The following MAF variants were observed in gnomAD, a reference collection of about 807,000 sequenced individuals.
The protein encoded by MAF is transcription factor Maf.
MAF carries 10 observed loss-of-function variants against 22.0 expected under a neutral mutation model. The ratio of observed to expected loss-of-function variants is 0.45; its 90% CI spans 0.28 to 0.77. The LOEUF is 0.77. Ranked by LOEUF, MAF falls within the 30% of genes least tolerant of loss-of-function variation. The probability of loss-of-function intolerance (pLI) is 0.12; values close to 1 mark genes in which losing one functional copy is unlikely to be tolerated. For missense variants in MAF, 544 were observed against 548.4 expected, an observed-to-expected ratio of 0.99 and a Z score of 0.08; for synonymous variants, 337 against 255.8, an observed-to-expected ratio of 1.32 and a Z score of -3.03.
the MAF span, among the ~76,000 whole-genome samples, chr16:79,292,148 G>C: frequency 2.4e-4 from 36 of 152,248 alleles, no homozygotes; most frequent in African/African-American, 8.4e-4. Context: ...GCATCTCTAA[G>C]AAGACATGTT....
At chr16:79,564,873 C>G in the MAF span, among the ~76,000 whole-genome samples, 35 of 152,270 alleles carry the variant, frequency 2.3e-4, no homozygotes, top group Middle Eastern at 6.8e-3. Flanking sequence ...GCGACTTCTG[C>G]AAAACATTCC....
the MAF span, among the ~76,000 whole-genome samples, chr16:79,439,375 TCTCAGC>T: frequency 6.6e-6 from 1 of 151,116 alleles, no homozygotes; most frequent in Admixed American, 6.6e-5. Context: ...CGTTCTCCTG[TCTCAGC>T]CTCCCTAGTA....
the MAF span, among the ~76,000 whole-genome samples, chr16:79,251,662 A>G: frequency 6.6e-6 from 1 of 152,152 alleles, no homozygotes; most frequent in Non-Finnish European, 1.5e-5. Context: ...GGGAAAAGAA[A>G]TCAAACCAAT....
chr16:79,558,725 A>G, the MAF span, among the ~76,000 whole-genome samples: 5 of 152,066 alleles, frequency 3.3e-5, no homozygotes, highest in African/African-American at 4.8e-5. Flanking sequence ...AAGCCTTACT[A>G]CCCAGCTAGG....
chr16:79,413,551 C>T, the MAF span, among the ~76,000 whole-genome samples: 1 of 151,920 alleles, frequency 6.6e-6, no homozygotes, highest in African/African-American at 2.4e-5. Context: ...CAGTTTTGAT[C>T]CAGTTACTTT....
At chr16:79,564,398 G>C in the MAF span, among the ~76,000 whole-genome samples, 3 of 152,206 alleles carry the variant, frequency 2.0e-5, no homozygotes, top group Non-Finnish European at 2.9e-5. Flanking sequence ...AGCCGAATAA[G>C]GTCAACAGTG....
chr16:79,307,093 T>C, the MAF span, among the ~76,000 whole-genome samples: 2 of 152,300 alleles, frequency 1.3e-5, no homozygotes, highest in South Asian at 4.1e-4. Flanking sequence ...CCTGACCTTC[T>C]TTTTCCACTC....
the MAF span, among the ~76,000 whole-genome samples, chr16:79,539,310 C>T: frequency 6.6e-6 from 1 of 152,222 alleles, no homozygotes; most frequent in Non-Finnish European, 1.5e-5. Context: ...TTAAACCAGC[C>T]TGGCCAACAT....
chr16:79,562,488 T>A, the MAF span, among the ~76,000 whole-genome samples: 1 of 152,158 alleles, frequency 6.6e-6, no homozygotes, highest in Non-Finnish European at 1.5e-5. Flanking sequence ...AAAAATACAT[T>A]TTGTAGGCTT....
chr16:79,423,904 C>G, the MAF span, among the ~76,000 whole-genome samples: 1 of 152,192 alleles, frequency 6.6e-6, no homozygotes, highest in African/African-American at 2.4e-5. Context: ...TCTTCAGGTT[C>G]TCGAGTCTGG....
the MAF span, among the ~76,000 whole-genome samples, chr16:79,209,716 G>C: frequency 3.9e-5 from 6 of 152,208 alleles, no homozygotes; most frequent in Admixed American, 1.3e-4. Context: ...GCTTGAGTTA[G>C]CTGGATGAGC....
the MAF span, among the ~76,000 whole-genome samples, chr16:79,266,823 C>T: frequency 6.6e-6 from 1 of 152,126 alleles, no homozygotes; most frequent in African/African-American, 2.4e-5. Context: ...TGCTGCCTGC[C>T]TTGTTAGAAA....
At chr16:79,582,015 A>T (rs559670169), downstream of MAF, among the ~76,000 whole-genome samples, 1 of 152,330 alleles carries the variant, frequency 6.6e-6, no homozygotes, top group South Asian at 2.1e-4. Context: ...ATAGATACAG[A>T]AAACAGAGGC....
chr16:79,481,873 T>A, the MAF span, among the ~76,000 whole-genome samples: 1 of 152,092 alleles, frequency 6.6e-6, no homozygotes, highest in Admixed American at 6.5e-5. Context: ...CACAGGAAGG[T>A]GTTACTTCAA....
chr16:79,293,817 C>G, the MAF span, among the ~76,000 whole-genome samples: 1 of 150,450 alleles, frequency 6.6e-6, no homozygotes, highest in Non-Finnish European at 1.5e-5. Context: ...TCTATAATTT[C>G]TCACTGGCTT....
At chr16:79,420,748 G>C in the MAF span, among the ~76,000 whole-genome samples, 1 of 152,256 alleles carries the variant, frequency 6.6e-6, no homozygotes, top group Non-Finnish European at 1.5e-5. Flanking sequence ...GATATTTTGA[G>C]GCTTGACGCG....
the MAF span, chr16:79,204,992 A>G: frequency 6.6e-6 from 1 of 152,172 alleles, no homozygotes. Context: ...GTCAGGGAGA[A>G]TGGCATGGCC....
chr16:79,262,341 A>C, the MAF span, among the ~76,000 whole-genome samples: 1 of 152,188 alleles, frequency 6.6e-6, no homozygotes, highest in Non-Finnish European at 1.5e-5. Context: ...TCTCTATCCA[A>C]AATAGACCTC....
At chr16:79,276,013 C>A in the MAF span, among the ~76,000 whole-genome samples, 1 of 152,160 alleles carries the variant, frequency 6.6e-6, no homozygotes, top group Middle Eastern at 3.4e-3. Context: ...TGGTGGCAGG[C>A]ACCTGGAATC....
Sources: gnomAD v4.1 joint callset for allele counts (sites outside exome capture counted in the v4.1 genomes callset) on GRCh38, gnomAD v4.1.1 for gene constraint, MANE v1.5 for transcripts, NCBI Gene and HGNC (gene_info 2026-07-23, HGNC 2026-07-21) for gene names.